SETD3: variants seen among roughly 807,000 people sequenced by gnomAD.
SETD3 encodes SET domain containing 3, actin N3(tau)-histidine methyltransferase.
SETD3 carries 19 observed loss-of-function variants against 63.0 expected under a neutral mutation model. The ratio of observed to expected loss-of-function variants is 0.30; its 90% confidence interval spans 0.21 to 0.44. The LOEUF (loss-of-function observed/expected upper bound fraction) is 0.44, where lower values mean the gene tolerates loss of function less well. Among genes scored for constraint, SETD3 ranks in the 20% least tolerant of loss-of-function variants. SETD3 has a pLI of 1.00. For missense variants in SETD3, 587 were observed against 728.5 expected, an observed-to-expected ratio of 0.81 and a Z score of 2.24; for synonymous variants, 286 against 264.1, an observed-to-expected ratio of 1.08 and a Z score of -0.80.
chr14:99,403,279 G>A (rs1166950960), intron 11 of SETD3, among the ~76,000 whole-genome samples: 2 of 152,082 alleles, frequency 1.3e-5, no homozygotes, highest in Admixed American at 1.3e-4. Flanking sequence ...TCCCCCACAT[G>A]GGCCATGACT....
At chr14:99,445,252 C>T (rs933555625) in intron 6 of SETD3, among the ~76,000 whole-genome samples, 7 of 152,210 alleles carry the variant, frequency 4.6e-5, no homozygotes, top group African/African-American at 7.2e-5. Context: ...GAATATACTA[C>T]GCCCTCACTC....
In SETD3 at chr14:99,458,330, G is replaced by A; in HGVS notation, c.624C>T (p.Ser208=). 1.2e-6 allele frequency: 2 copies of A among 1,614,028 alleles called. No homozygotes were observed. The highest frequency in any genetic ancestry group is 8.5e-7 in the Non-Finnish European group (1 of 1,180,000). Residue 208 remains serine (S), a synonymous_variant, in exon 6 of 13, where the codon AGC becomes AGT. Transcript: ENST00000331768. The part of the protein sequence containing the change: ...QSTQAIHDVF[S]QYKNTARQYA... ...ACTGTCGAGCTGTGTTTTTATACTG[G>A]CTGAAGACATCATGTATAGCTTGTG...
At chr14:99,428,072 A>T (rs994619840) in intron 6 of SETD3, among the ~76,000 whole-genome samples, 1 of 152,228 alleles carries the variant, frequency 6.6e-6, no homozygotes, top group Admixed American at 6.5e-5. Flanking sequence ...GAAAAGGTGC[A>T]ATGCCAGTGC....
At chr14:99,464,951 TG>T (rs1895282800) in intron 2 of SETD3, among the ~76,000 whole-genome samples, 1 of 152,090 alleles carries the variant, frequency 6.6e-6, no homozygotes, top group African/African-American at 2.4e-5. Context: ...AAGACCAGCC[TG>T]GGCAACATGG....
rs574718448 is a variant in SETD3, at chr14:99,422,894, C to G, written c.676-8960G>C. Among the ~76,000 whole-genome samples, 2 of 152,300 alleles carry G rather than the reference C, an allele frequency of 1.3e-5. 1 individual carries two copies. Among genetic ancestry groups the G allele is most frequent in the African/African-American group, 4.8e-5 (2 of 41,568 alleles). ...CAGTGTGCGGCTCTGTGGAGCCCCG[C>G]GGCCCCCAAGGCGCCTGGGGACAGA... On this transcript the variant is annotated intron_variant, in intron 6 of 12. Transcript: ENST00000331768.
At chr14:99,466,621 G>T (rs1178406519) in intron 1 of SETD3, among the ~76,000 whole-genome samples, 1 of 152 alleles carries the variant, frequency 6.6e-3, no homozygotes, top group Admixed American at 0.5. Flanking sequence ...AGAATGGCGG[G>T]GGGGGGGGGG....
At chr14:99,437,694 T>C (rs1292426800) in intron 6 of SETD3, among the ~76,000 whole-genome samples, 1 of 152,208 alleles carries the variant, frequency 6.6e-6, no homozygotes, top group African/African-American at 2.4e-5. Flanking sequence ...TGTGTGTGTG[T>C]GTGACACACA....
At chr14:99,413,350 C>T in intron 7 of SETD3, 1 of 329,932 alleles carries the variant, frequency 3.0e-6, no homozygotes, top group Non-Finnish European at 5.5e-6. Context: ...ATCTTCGTGA[C>T]TCACAAAATC....
chr14:99,404,159 A>T, intron 11 of SETD3, 66 bp downstream of exon 11: 1 of 1,334,542 alleles, frequency 7.5e-7, no homozygotes, highest in Non-Finnish European at 1.1e-6. Context: ...CTGAATCCCT[A>T]TGCTTTACAC....
intron 6 of SETD3, among the ~76,000 whole-genome samples, chr14:99,418,620 G>A (rs1892404846): frequency 6.6e-6 from 1 of 152,134 alleles, no homozygotes; most frequent in Non-Finnish European, 1.5e-5. Flanking sequence ...CATGGCCTCA[G>A]CAAATACATG....
chr14:99,481,569 G>A (rs886554699), upstream of SETD3: 8 of 397,852 alleles, frequency 2.0e-5, no homozygotes, highest in Non-Finnish European at 3.5e-5. Context: ...GCTATCCACT[G>A]GCGGAGTCTC....
chr14:99,486,362 C>T, the SETD3 span, among the ~76,000 whole-genome samples: 3 of 152,190 alleles, frequency 2.0e-5, no homozygotes, highest in East Asian at 5.8e-4. Flanking sequence ...CAAACGCTCG[C>T]CTTTGGTGAT....
intron 8 of SETD3, among the ~76,000 whole-genome samples, chr14:99,408,356 A>T (rs1891796846): frequency 6.6e-6 from 1 of 152,184 alleles, no homozygotes; most frequent in South Asian, 2.1e-4. Flanking sequence ...ATTGAATGAA[A>T]ATCAACTCCA....
chr14:99,457,722 C>T (rs767024385), intron 6 of SETD3, among the ~76,000 whole-genome samples: 5 of 152,318 alleles, frequency 3.3e-5, no homozygotes, highest in African/African-American at 4.8e-5. Flanking sequence ...TGAAAGATAA[C>T]GGTGGCCACA....
At chr14:99,474,006 A>G (rs1895839232) in intron 1 of SETD3, among the ~76,000 whole-genome samples, 1 of 152,214 alleles carries the variant, frequency 6.6e-6, no homozygotes, top group Admixed American at 6.5e-5. Context: ...ACCGGCACCT[A>G]TCATTCCAAT....
chr14:99,441,343 G>A (rs1893800628), intron 6 of SETD3, among the ~76,000 whole-genome samples: 1 of 152,228 alleles, frequency 6.6e-6, no homozygotes, highest in Non-Finnish European at 1.5e-5. Context: ...CTTACACGTA[G>A]AGAACAAGGC....
Position 99,398,813 on chromosome 14 carries a change from C to T in SETD3, c.1651G>A (p.Gly551Arg), listed in dbSNP as rs140558033. The T allele has an allele frequency of 6.7e-5, 108 of 1,614,080 alleles. No individual in the cohort carries two copies. The highest frequency in any genetic ancestry group is 8.9e-5 in the Non-Finnish European group (105 of 1,180,054). Residue 551 changes from glycine to arginine, a missense_variant, in exon 13 of 13, where the codon GGG (glycine) becomes AGG (arginine). Transcript: ENST00000331768. ...AISKAKATEN[G>R]LVNGENSIPN... The stretch of plus-strand genomic sequence containing the variant: ...ATAGAGTTTTCACCGTTTACAAGCC[C>T]GTTTTCTGTGGCCTTTGCTTTGCTG...
At chr14:99,438,424 C>G (rs1249867399) in intron 6 of SETD3, among the ~76,000 whole-genome samples, 1 of 152,204 alleles carries the variant, frequency 6.6e-6, no homozygotes, top group Non-Finnish European at 1.5e-5. Context: ...TGGTGTGTCT[C>G]TGGTTTAGAC....
intron 6 of SETD3, among the ~76,000 whole-genome samples, chr14:99,432,635 T>C (rs886252663): frequency 6.6e-6 from 1 of 152,178 alleles, no homozygotes; most frequent in African/African-American, 2.4e-5. Context: ...TCTCATCACA[T>C]CTACAAGGAT....
Sources: gnomAD v4.1 joint callset for allele counts (sites outside exome capture counted in the v4.1 genomes callset) on GRCh38, gnomAD v4.1.1 for gene constraint, MANE v1.5 for transcripts, NCBI Gene and HGNC (gene_info 2026-07-23, HGNC 2026-07-21) for gene names.